The following F13A1 variants were observed in gnomAD, a reference collection of about 807,000 sequenced individuals.
F13A1 encodes the protein FSF, A subunit.
F13A1 carries 47 observed loss-of-function variants against 80.1 expected under a neutral mutation model. That is an observed-to-expected ratio of 0.59 (90% CI 0.46 to 0.75). The LOEUF (loss-of-function observed/expected upper bound fraction) is 0.75. Among genes scored for constraint, F13A1 ranks in the 30% least tolerant of loss-of-function variants. The pLI, the probability that F13A1 is intolerant of heterozygous loss-of-function variation, is 0.00. For missense variants in F13A1, 817 were observed against 930.4 expected, an observed-to-expected ratio of 0.88 and a Z score of 1.59; for synonymous variants, 349 against 344.9, an observed-to-expected ratio of 1.01 and a Z score of -0.13.
chr6:6,319,879 C>CG (rs1758747182), intron 1 of F13A1, among the ~76,000 whole-genome samples: 2 of 151,974 alleles, frequency 1.3e-5, no homozygotes, highest in Non-Finnish European at 2.9e-5. Flanking sequence ...GGTGAGCTGA[C>CG]GGGGGAAGGG....
intron 6 of F13A1, among the ~76,000 whole-genome samples, chr6:6,229,338 G>A (rs1202117548): frequency 6.6e-6 from 1 of 151,834 alleles, no homozygotes; most frequent in Non-Finnish European, 1.5e-5. Flanking sequence ...AACAAATTGA[G>A]GACCAAATCA....
At chr6:6,264,278 A>G (rs186404645) in intron 4 of F13A1, among the ~76,000 whole-genome samples, 34 of 152,360 alleles carry the variant, frequency 2.2e-4, no homozygotes, top group Middle Eastern at 6.8e-3. Flanking sequence ...TATAATCCAG[A>G]AAAGTTGCAA....
chr6:6,204,623 A>G (rs958060697), intron 8 of F13A1, among the ~76,000 whole-genome samples: 3 of 152,214 alleles, frequency 2.0e-5, no homozygotes, highest in Admixed American at 6.5e-5. Flanking sequence ...GAGTTGTTGG[A>G]AAGAAGTGGG....
At chr6:6,195,721 A>T (rs1420456869) in intron 10 of F13A1, 76 bp downstream of exon 10, 2 of 1,387,586 alleles carry the variant, frequency 1.4e-6, no homozygotes, top group African/African-American at 1.4e-5. Flanking sequence ...CTTAGAAACA[A>T]CAACTTTTAG....
In F13A1 at chr6:6,250,932, G is replaced by T; in HGVS notation, c.572-3C>A. The T allele has an allele frequency of 6.3e-7, 1 of 1,583,870 alleles. No homozygotes were observed. Among genetic ancestry groups the T allele is most frequent in the Non-Finnish European group, 8.7e-7 (1 of 1,153,326 alleles). ...ATTGTCCAGATACACAGCATCATCT[G>T]CATCAGGGTTTAAACATAGTGACTA... On this transcript the variant is annotated splice_region_variant and splice_polypyrimidine_tract_variant and intron_variant, in intron 4 of 14. Transcript: ENST00000264870. This position sits in a 1 kb window ranked among gnomAD's most constrained non-coding sequence, Gnocchi z 4.2.
intron 3 of F13A1, among the ~76,000 whole-genome samples, chr6:6,300,181 A>C (rs1214416991): frequency 8.0e-6 from 1 of 124,702 alleles, no homozygotes. Context: ...TTAAGTGTGC[A>C]GAGGTTACTG....
At chr6:6,281,993 C>CAAAAA (rs10584369) in intron 3 of F13A1, among the ~76,000 whole-genome samples, 1 of 93,380 alleles carries the variant, frequency 1.1e-5, no homozygotes, top group Non-Finnish European at 2.1e-5. Context: ...GACTCCGTCT[C>CAAAAA]AAAAAAAAAA....
chr6:6,145,506 C>T lies in F13A1; in HGVS notation c.*113G>A. The T allele has an allele frequency of 7.3e-7, 1 of 1,371,676 alleles. No homozygotes were observed. The highest frequency in any genetic ancestry group is 1.0e-6 in the Non-Finnish European group (1 of 963,886). 85.0% of individuals were successfully genotyped at this position (1,371,676 alleles called of 1,614,324 possible). Reference sequence around the variant, plus strand: ...TCTCCACTCTGGAGCCCTCTGCAGTCCTGTCTGGGTCTTCACACCTAAGTC... The same window carrying T: ...TCTCCACTCTGGAGCCCTCTGCAGTTCTGTCTGGGTCTTCACACCTAAGTC... On this transcript the variant is annotated 3_prime_UTR_variant, in exon 15 of 15. Transcript: ENST00000264870.
intron 2 of F13A1, among the ~76,000 whole-genome samples, chr6:6,313,547 T>C (rs1758637222): frequency 6.6e-6 from 1 of 152,220 alleles, no homozygotes; most frequent in South Asian, 2.1e-4. Context: ...CTGTCACAGA[T>C]GGGATCTTGA....
At chr6:6,219,426 T>C (rs1200890739) in intron 8 of F13A1, among the ~76,000 whole-genome samples, 1 of 152,134 alleles carries the variant, frequency 6.6e-6, no homozygotes, top group African/African-American at 2.4e-5. Context: ...CCTACCTCTA[T>C]GGTAAGCACT....
At chr6:6,295,499 T>C (rs1298460063) in intron 3 of F13A1, among the ~76,000 whole-genome samples, 1 of 147,788 alleles carries the variant, frequency 6.8e-6, no homozygotes, top group African/African-American at 2.6e-5. Context: ...TGGCCAGTGA[T>C]GGTGAGCATT....
At position 6,305,754 on chromosome 6, in the gene F13A1, C is replaced by T. The variant is rs115202717; in HGVS notation, c.131-215G>A. The T allele has an allele frequency of 3.2e-3, 1,836 of 565,572 alleles. 33 individuals carry two copies. The highest frequency in any genetic ancestry group is 0.031 in the African/African-American group (1,659 of 53,322). The allele number at this position is 565,572 out of a possible 1,614,324, so 35.0% of individuals were successfully genotyped here. A position where few individuals can be genotyped will look rare whatever the true frequency, so the allele number is the denominator to read the frequency against. Reference sequence around the variant, plus strand: ...GAGAGCTTTTTAAAGCTTTTTCCACCTTTGATCTCGTTTCAGACCACAAGG... The same window carrying T: ...GAGAGCTTTTTAAAGCTTTTTCCACTTTTGATCTCGTTTCAGACCACAAGG... On this transcript the variant is annotated intron_variant, in intron 2 of 14. Transcript: ENST00000264870.
chr6:6,288,385 A>C (rs1029608267), intron 3 of F13A1, among the ~76,000 whole-genome samples: 2 of 152,124 alleles, frequency 1.3e-5, no homozygotes, highest in Non-Finnish European at 2.9e-5. Flanking sequence ...TCTGAGATTG[A>C]CTTTTTCAGA....
intron 3 of F13A1, among the ~76,000 whole-genome samples, chr6:6,268,046 T>C (rs1757869675): frequency 6.6e-6 from 1 of 152,224 alleles, no homozygotes; most frequent in African/African-American, 2.4e-5. Flanking sequence ...TATACAAAAA[T>C]AGTAAAGCAA....
intron 8 of F13A1, among the ~76,000 whole-genome samples, chr6:6,200,333 G>A (rs550138484): frequency 3.8e-4 from 58 of 152,200 alleles, no homozygotes; most frequent in Non-Finnish European, 4.4e-4. Context: ...TTAGGAGGCC[G>A]AGGCAGGAGA....
rs1758655801 is a variant in F13A1, at chr6:6,314,749, C to T, written c.130+3786G>A. 2.6e-5 allele frequency among the ~76,000 whole-genome samples: 4 copies of T among 152,110 alleles called. No individual in the cohort carries two copies. The South Asian group carries it at 8.3e-4, about 32-fold the overall frequency. On this transcript the variant is annotated intron_variant, in intron 2 of 14. Transcript: ENST00000264870. ...GGACTAACTTACTCAACTTCATGTC[C>T]CAAGGGACAGCCTGGAGCAGCTCCT...
At chr6:6,151,336 G>A (rs542003698) in intron 14 of F13A1, among the ~76,000 whole-genome samples, 1 of 152,166 alleles carries the variant, frequency 6.6e-6, no homozygotes, top group Admixed American at 6.5e-5. Context: ...TCTGTGAGGT[G>A]AGGCTGGAGA....
chr6:6,289,033 T>C (rs140009011), intron 3 of F13A1, among the ~76,000 whole-genome samples: 1 of 152,382 alleles, frequency 6.6e-6, no homozygotes, highest in Non-Finnish European at 1.5e-5. Flanking sequence ...TCCATGTTTT[T>C]AATAAGTTTT....
At chr6:6,252,073 G>GTTTTTTTT in intron 4 of F13A1, among the ~76,000 whole-genome samples, 2 of 152,142 alleles carry the variant, frequency 1.3e-5, no homozygotes, top group East Asian at 1.9e-4. Context: ...TCCCACAGTG[G>GTTTTTTTT]TTAGAGAAAA....
Sources: gnomAD v4.1 joint callset for allele counts (sites outside exome capture counted in the v4.1 genomes callset) on GRCh38, gnomAD v4.1.1 for gene constraint, Gnocchi (gnomAD v3.1) non-coding constraint, MANE v1.5 for transcripts, NCBI Gene and HGNC (gene_info 2026-07-23, HGNC 2026-07-21) for gene names.